Variants in KCNT1 observed in about 807,000 individuals in gnomAD.
KCNT1 encodes the protein potassium channel subfamily T member 1.
In KCNT1, 78 loss-of-function variants were observed where a neutral mutation model predicts 147.8. That is an observed-to-expected ratio of 0.53 (90% CI 0.44 to 0.64). KCNT1 has a LOEUF of 0.64. KCNT1 is among the 30% of genes least tolerant of loss of function. The pLI is 0.00. For synonymous variants in KCNT1, 867 were observed against 748.8 expected (o/e 1.16, Z -2.58); for missense variants, 1,419 against 1,750.3 (o/e 0.81, Z 3.38).
At position 135,757,438 on chromosome 9, in the gene KCNT1, G is replaced by A. The variant is rs542475099; in HGVS notation, c.759+57G>A. The stretch of plus-strand genomic sequence containing the variant: ...TGGGGGGGCCACCCTCAGCCTCACC[G>A]GCCCTGGAAGACACTGTGCGACGTA... On this transcript the variant is annotated intron_variant, in intron 9 of 30. Coordinates refer to ENST00000371757, the MANE Select transcript of KCNT1 (RefSeq NM_020822.3). 62 of 1,499,422 alleles carry A rather than the reference G, an allele frequency of 4.1e-5. 1 individual carries two copies. Among genetic ancestry groups the A allele is most frequent in the South Asian group, 3.2e-4 (28 of 88,810 alleles). 92.9% of individuals were successfully genotyped at this position (1,499,422 alleles called of 1,614,324 possible). A position where few individuals can be genotyped will look rare whatever the true frequency, so the allele number is the denominator to read the frequency against.
At chr9:135,747,822 C>T (rs993837774) in intron 2 of KCNT1, among the ~76,000 whole-genome samples, 5 of 152,110 alleles carry the variant, frequency 3.3e-5, no homozygotes, top group Non-Finnish European at 5.9e-5. Flanking sequence ...TGAGTATGCC[C>T]GGTGGGGTGA....
intron 29 of KCNT1, chr9:135,790,458 G>A (rs1243025617): frequency 6.6e-6 from 1 of 152,358 alleles, no homozygotes; most frequent in Non-Finnish European, 1.5e-5. Flanking sequence ...CACAGGAGCT[G>A]GCACCAAATG....
Position 135,785,322 on chromosome 9 carries a change from A to G in KCNT1, c.3169A>G (p.Arg1057Gly). Residue 1057 changes from arginine to glycine, a missense_variant, in exon 28 of 31, where the codon AGA becomes GGA. By Grantham distance (125) the Arg-to-Gly change is moderately radical. Around this residue, in one of 5 missense-constraint regions of KCNT1, gnomAD observed 306 missense variants for 294.2 expected, o/e 1.04. Transcript: ENST00000371757. ...GTTTCCTTTGCAGCCCCACGACCTC[A>G]GAGCCCAGGTAAGCAACCCCTCCGT... is the stretch of plus-strand genomic sequence containing the variant. ...VFSTSEPHDL[R>G]AQSQISVNVE... is the part of the protein sequence containing the mutation. 1.2e-6 allele frequency: 2 copies of G among 1,612,976 alleles called. No individual in the cohort carries two copies. Among genetic ancestry groups the G allele is most frequent in the African/African-American group, 1.3e-5 (1 of 75,030 alleles).
At chr9:135,778,035 C>A (rs559748236) in intron 21 of KCNT1, among the ~76,000 whole-genome samples, 6 of 152,248 alleles carry the variant, frequency 3.9e-5, no homozygotes, top group Admixed American at 1.3e-4. Context: ...GTCCTCTCTC[C>A]CCCTTTCCCC....
At chr9:135,738,817 TCTC>T (rs1362809372) in intron 2 of KCNT1, among the ~76,000 whole-genome samples, 1 of 151,916 alleles carries the variant, frequency 6.6e-6, no homozygotes, top group East Asian at 1.9e-4. Flanking sequence ...AGCTCCGGGG[TCTC>T]CTCCTTCCTT....
chr9:135,769,951 C>T lies in KCNT1; in HGVS notation c.1515C>T (p.His505=), dbSNP rs148302564. The stretch of plus-strand genomic sequence containing the variant: ...GGCCTCCCCCACTGCCCGCAGACCA[C>T]GTGGTGTGTGAGGAGGAGTGCAAGT... ...ENKFHVKFAD[H]VVCEEECKYA... is the part of the protein sequence containing the mutation. Residue 505 remains histidine, a synonymous_variant, in exon 16 of 31, where the codon CAC becomes CAT. Transcript: ENST00000371757. The T allele has an allele frequency of 1.6e-5, 25 of 1,550,766 alleles. No homozygotes were observed. Among genetic ancestry groups the T allele is most frequent in the African/African-American group, 1.1e-4 (8 of 73,070 alleles).
intron 1 of KCNT1, among the ~76,000 whole-genome samples, chr9:135,710,252 G>T (rs1181466602): frequency 6.6e-6 from 1 of 152,048 alleles, no homozygotes; most frequent in Admixed American, 6.5e-5. Context: ...TTTCCATCTT[G>T]TCCTTGGTTT....
In KCNT1 at chr9:135,730,672, C is replaced by A. The variant is rs931801406; in HGVS notation, c.254+15952C>A. On this transcript the variant is annotated intron_variant, in intron 2 of 30. Coordinates refer to ENST00000371757, the MANE Select transcript of KCNT1 (RefSeq NM_020822.3). The surrounding 1 kb of genome is among the most constrained non-coding windows in gnomAD (Gnocchi z 4.7). ...GCACTTCAGGCTTGGGATTTCGGAC[C>A]TCCGGGATGGTGTGCTTAAAACACT... Among the ~76,000 whole-genome samples, 1 of 152,150 alleles carries A rather than the reference C, an allele frequency of 6.6e-6. No homozygotes were observed. Among genetic ancestry groups the A allele is most frequent in the Non-Finnish European group, 1.5e-5 (1 of 68,020 alleles).
In KCNT1 at chr9:135,731,981, T is replaced by G. The variant is rs1171806860; in HGVS notation, c.254+17261T>G. 4.2e-3 allele frequency among the ~76,000 whole-genome samples: 112 copies of G among 26,536 alleles called. 4 individuals are homozygous for G. The highest frequency in any genetic ancestry group is 6.7e-3 in the African/African-American group (50 of 7,436). 17.4% of individuals were successfully genotyped at this position (26,536 alleles called of 152,430 possible). On this transcript the variant is annotated intron_variant, in intron 2 of 30. Transcript: ENST00000371757. Reference sequence around the variant, plus strand: ...GCGTGTATATATATATATATATATATATATATATATAGAGAGAGAGAGAGA... The same window carrying G: ...GCGTGTATATATATATATATATATAGATATATATATAGAGAGAGAGAGAGA...
intron 21 of KCNT1, among the ~76,000 whole-genome samples, 193 bp from the exon 22 acceptor site, chr9:135,778,231 G>A (rs959751330): frequency 3.3e-5 from 5 of 152,172 alleles, no homozygotes; most frequent in Non-Finnish European, 5.9e-5. Flanking sequence ...CCACCCTCCC[G>A]GGCCTTGGTT....
rs1831268120 is a variant in KCNT1 at position 135,752,932 on chromosome 9, TGGAC to T, written c.435-1004_435-1001del. 1.4e-5 allele frequency among the ~76,000 whole-genome samples: 2 copies of T among 148,116 alleles called. No individual in the cohort carries two copies. The highest frequency in any genetic ancestry group is 4.3e-4 in the South Asian group (2 of 4,632). ...AGTGGATGGATGATGGATGGATGGA[TGGAC>T]AGATAAGTAGATGGATAGATGGATG... On this transcript the variant is annotated intron_variant, in intron 4 of 30. Coordinates refer to ENST00000371757, the MANE Select transcript of KCNT1 (RefSeq NM_020822.3). This position sits in a 1 kb window ranked among gnomAD's most constrained non-coding sequence, Gnocchi z 5.1.
chr9:135,777,252 T>G (rs1833233355), intron 20 of KCNT1, 86 bp from the exon 21 acceptor site: 1 of 1,398,570 alleles, frequency 7.2e-7, no homozygotes, highest in Non-Finnish European at 9.9e-7. Context: ...TCACGGGGGA[T>G]GTTTGGTGAG....
chr9:135,757,046 C>G, intron 7 of KCNT1, 110 bp from the exon 8 acceptor site: 1 of 1,013,868 alleles, frequency 9.9e-7, no homozygotes, highest in Non-Finnish European at 1.5e-6. Context: ...CAGCCTCATC[C>G]ACTGACCTCC....
intron 28 of KCNT1, 82 bp from the exon 29 acceptor site, chr9:135,786,115 C>A: frequency 7.6e-7 from 1 of 1,309,752 alleles, no homozygotes; most frequent in Non-Finnish European, 1.1e-6. Context: ...GCCCACACCT[C>A]TTCCTAAGCC....
chr9:135,713,260 T>C lies in KCNT1; in HGVS notation c.111-1317T>C, dbSNP rs139633064. 5.2e-4 allele frequency among the ~76,000 whole-genome samples: 79 copies of C among 152,360 alleles called. 1 individual carries two copies. In the East Asian group the frequency reaches 0.012, roughly 23 times the overall value. On this transcript the variant is annotated intron_variant, in intron 1 of 30. Coordinates refer to ENST00000371757, the MANE Select transcript of KCNT1 (RefSeq NM_020822.3). ...TGCACCTCCCCATGGCCCAGCCAGC[T>C]TGTGACTAAGGAAAAACATGCAGCT...
chr9:135,738,921 C>G (rs1275344462), intron 2 of KCNT1, among the ~76,000 whole-genome samples: 1 of 152,126 alleles, frequency 6.6e-6, no homozygotes, highest in Non-Finnish European at 1.5e-5. Context: ...CACTGCAAAG[C>G]TTTTGAGTAA....
chr9:135,702,537 C>T (rs1835074338), intron 1 of KCNT1, among the ~76,000 whole-genome samples, 169 bp downstream of exon 1: 1 of 152,198 alleles, frequency 6.6e-6, no homozygotes, highest in South Asian at 2.1e-4. Flanking sequence ...AGGGGCGCCC[C>T]TCAGGGTGGG....
intron 2 of KCNT1, among the ~76,000 whole-genome samples, chr9:135,746,291 TG>T (rs1014424949): frequency 1.2e-4 from 18 of 152,118 alleles, no homozygotes; most frequent in Admixed American, 6.5e-5. Flanking sequence ...CTGAGCTCCG[TG>T]GGGGCTACCC....
chr9:135,786,130 C>A, intron 28 of KCNT1, 67 bp from the exon 29 acceptor site: 2 of 1,445,188 alleles, frequency 1.4e-6, no homozygotes, highest in African/African-American at 1.4e-5. Flanking sequence ...TAAGCCCCTG[C>A]CCCAAAGCCC....
Sources: allele counts gnomAD v4.1 joint callset (sites outside exome capture counted in the v4.1 genomes callset), GRCh38; gene constraint gnomAD v4.1.1; regional missense constraint gnomAD v4.1.1; non-coding constraint Gnocchi (gnomAD v3.1); transcripts MANE v1.5; gene names NCBI Gene and HGNC (gene_info 2026-07-23, HGNC 2026-07-21).